The following TSPAN18 variants were observed in gnomAD, a reference collection of about 807,000 sequenced individuals.
TSPAN18 encodes the protein tetraspanin 18, also known as tetraspanin-18.
In TSPAN18, 14 loss-of-function variants were observed where a neutral mutation model predicts 27.3. That is an observed-to-expected ratio of 0.51 (90% confidence interval 0.34 to 0.80). The LOEUF (loss-of-function observed/expected upper bound fraction) is 0.80, where lower values mean the gene tolerates loss of function less well. Ranked by LOEUF, TSPAN18 falls within the 30% of genes least tolerant of loss-of-function variation. TSPAN18 has a pLI of 0.01. For synonymous variants in TSPAN18, 143 were observed against 136.5 expected (o/e 1.05, Z -0.33); for missense variants, 268 against 323.9 (o/e 0.83, Z 1.32).
chr11:44,794,478 G>A (rs1303345686), intron 2 of TSPAN18, among the ~76,000 whole-genome samples: 1 of 152,114 alleles, frequency 6.6e-6, no homozygotes, highest in Non-Finnish European at 1.5e-5. Flanking sequence ...GACCAGCCTG[G>A]GCAACATGGA....
intron 2 of TSPAN18, among the ~76,000 whole-genome samples, chr11:44,826,573 C>A (rs115662206): frequency 0.013 from 1,962 of 152,318 alleles, 49 homozygotes; most frequent in African/African-American, 0.045. Flanking sequence ...AGGGTTTTAC[C>A]TGGCTCATCT....
rs760374154 is a variant in TSPAN18 at position 44,929,138 on chromosome 11, C to A, written c.707C>A (p.Ala236Asp). The stretch of plus-strand genomic sequence containing the variant: ...CTTTTTCTTTTTTTGCAGCTTTTCG[C>A]CATGATCTTTGCCATGTGCCTCTTC... ...AIGVLAIELF[A>D]MIFAMCLFRG... Residue 236 changes from alanine to aspartate, a missense_variant, in exon 10 of 10, where the codon GCC becomes GAC. Ala to Asp is a moderately radical substitution (Grantham distance 126). Transcript: ENST00000520358. 6.2e-7 allele frequency: 1 copy of A among 1,613,448 alleles called. No homozygotes were observed.
chr11:44,875,770 A>G (rs1029483664), intron 3 of TSPAN18, among the ~76,000 whole-genome samples: 44 of 152,196 alleles, frequency 2.9e-4, no homozygotes, highest in African/African-American at 1.0e-3. Flanking sequence ...GGGAGTGATA[A>G]TAGCTTTCTA....
At chr11:44,882,339 G>A (rs1029618591) in intron 3 of TSPAN18, among the ~76,000 whole-genome samples, 1 of 152,112 alleles carries the variant, frequency 6.6e-6, no homozygotes, top group African/African-American at 2.4e-5. Flanking sequence ...GAGGCTCCCT[G>A]AGGCCCCTGC....
chr11:44,778,059 T>C (rs1164140872), intron 2 of TSPAN18, among the ~76,000 whole-genome samples: 2 of 150,880 alleles, frequency 1.3e-5, no homozygotes, highest in Non-Finnish European at 3.0e-5. Context: ...ATGCTCCAGG[T>C]GGGGGGTGGG....
Position 44,860,888 on chromosome 11 carries a change from G to A in TSPAN18, c.-11+419G>A, listed in dbSNP as rs1191171877. Among the ~76,000 whole-genome samples the A allele has an allele frequency of 1.3e-5, 2 of 152,254 alleles. 1 individual carries two copies. The highest frequency in any genetic ancestry group is 2.9e-5 in the Non-Finnish European group (2 of 68,040). On this transcript the variant is annotated intron_variant, in intron 3 of 9. Transcript: ENST00000520358. ...GAGGGCAAAGGCTGAACTGAGGTCAGATGCTGCATCATTTGGGAGCCAACA... is the reference window on the plus strand; with the variant it reads ...GAGGGCAAAGGCTGAACTGAGGTCAAATGCTGCATCATTTGGGAGCCAACA...
intron 3 of TSPAN18, among the ~76,000 whole-genome samples, chr11:44,895,784 C>A (rs141506996): frequency 1.3e-5 from 2 of 152,120 alleles, no homozygotes; most frequent in Admixed American, 6.5e-5. Context: ...AGTGTCCAGA[C>A]GGAGATGAGG....
At chr11:44,790,297 G>A (rs967404626) in intron 2 of TSPAN18, among the ~76,000 whole-genome samples, 1 of 151,450 alleles carries the variant, frequency 6.6e-6, no homozygotes, top group African/African-American at 2.4e-5. Context: ...GTATGTGCAT[G>A]TGTGTGTGCA....
intron 1 of TSPAN18, among the ~76,000 whole-genome samples, chr11:44,743,858 C>T (rs2134832074): frequency 6.6e-6 from 1 of 152,286 alleles, no homozygotes; most frequent in Non-Finnish European, 1.5e-5. Context: ...GAGGAAATGG[C>T]GTTGTAACAC....
intron 2 of TSPAN18, among the ~76,000 whole-genome samples, chr11:44,785,496 T>A (rs75518037): frequency 0.049 from 7,461 of 151,036 alleles, 362 homozygotes; most frequent in East Asian, 0.16. Context: ...TACAAAAAAG[T>A]TATCCTCATG....
chr11:44,827,050 C>G (rs1190983453), intron 2 of TSPAN18, among the ~76,000 whole-genome samples: 1 of 152,216 alleles, frequency 6.6e-6, no homozygotes, highest in African/African-American at 2.4e-5. Flanking sequence ...CACGAGGGCC[C>G]TGACTGGATG....
At chr11:44,753,588 CTT>C (rs1220454455) in intron 1 of TSPAN18, among the ~76,000 whole-genome samples, 2 of 152,222 alleles carry the variant, frequency 1.3e-5, no homozygotes, top group Non-Finnish European at 1.5e-5. Flanking sequence ...TTCCCTGTCT[CTT>C]TCTCCATTCG....
At chr11:44,813,864 C>T (rs1010633175) in intron 2 of TSPAN18, among the ~76,000 whole-genome samples, 1 of 152,156 alleles carries the variant, frequency 6.6e-6, no homozygotes, top group Non-Finnish European at 1.5e-5. Context: ...CACTTGGGAT[C>T]CAACCACGCC....
chr11:44,894,092 G>A (rs562158940), intron 3 of TSPAN18, among the ~76,000 whole-genome samples: 8 of 152,194 alleles, frequency 5.3e-5, no homozygotes, highest in South Asian at 2.1e-4. Context: ...TGCCGGGAGC[G>A]CAGGAAGGAG....
chr11:44,793,359 T>G (rs1856274463), intron 2 of TSPAN18, among the ~76,000 whole-genome samples: 2 of 152,250 alleles, frequency 1.3e-5, no homozygotes, highest in Non-Finnish European at 2.9e-5. Flanking sequence ...AGAAGAATCC[T>G]AGGTGCAGGA....
chr11:44,731,834 G>A (rs1238744807), intron 1 of TSPAN18, among the ~76,000 whole-genome samples: 1 of 152,064 alleles, frequency 6.6e-6, no homozygotes, highest in African/African-American at 2.4e-5. Context: ...TGGCAGTTGA[G>A]GGATGATATT....
At chr11:44,794,417 C>CA (rs1273803720) in intron 2 of TSPAN18, among the ~76,000 whole-genome samples, 1 of 152,126 alleles carries the variant, frequency 6.6e-6, no homozygotes, top group African/African-American at 2.4e-5. Context: ...CCTGTAATCC[C>CA]AGCACTTTGG....
At chr11:44,920,268 G>A (rs1006189957) in intron 8 of TSPAN18, among the ~76,000 whole-genome samples, 12 of 152,202 alleles carry the variant, frequency 7.9e-5, no homozygotes, top group Non-Finnish European at 1.6e-4. Context: ...TAAGGGGTGA[G>A]TAGGAGTTTC....
At chr11:44,790,229 ATG>A (rs976476395) in intron 2 of TSPAN18, among the ~76,000 whole-genome samples, 4 of 138,674 alleles carry the variant, frequency 2.9e-5, no homozygotes, top group South Asian at 2.3e-4. Flanking sequence ...GTGTATGTCC[ATG>A]TGTTTGTGTG....
Sources: allele counts gnomAD v4.1 joint callset (sites outside exome capture counted in the v4.1 genomes callset), GRCh38; gene constraint gnomAD v4.1.1; transcripts MANE v1.5; gene names NCBI Gene and HGNC (gene_info 2026-07-23, HGNC 2026-07-21).